The following COL4A2 variants were observed in gnomAD, a reference collection of about 807,000 sequenced individuals.
COL4A2 encodes collagen type IV alpha 2 chain, also known as collagen alpha-2(IV) chain.
COL4A2 carries 99 observed loss-of-function variants against 200.2 expected under a neutral mutation model. The observed-to-expected ratio is 0.49, with a 90% CI of 0.42 to 0.58. The LOEUF (loss-of-function observed/expected upper bound fraction) is 0.58. COL4A2 is among the 20% of genes least tolerant of loss of function. COL4A2 has a pLI of 0.00. For missense variants in COL4A2, 1,950 were observed against 2,314.1 expected, an observed-to-expected ratio of 0.84 and a Z score of 3.23; for synonymous variants, 897 against 900.6, an observed-to-expected ratio of 1.00 and a Z score of 0.07.
chr13:110,326,260 T>A (rs1885409320), intron 3 of COL4A2, among the ~76,000 whole-genome samples: 1 of 152,194 alleles, frequency 6.6e-6, no homozygotes, highest in South Asian at 2.1e-4. Context: ...GAATTTATAA[T>A]CCTCCCTCAG....
Position 110,465,471 on chromosome 13 carries a change from C to G in COL4A2, c.1843C>G (p.Pro615Ala), listed in dbSNP as rs747059028. 10 of 1,613,888 alleles carry G rather than the reference C, an allele frequency of 6.2e-6. No homozygotes were observed. The highest frequency in any genetic ancestry group is 3.4e-6 in the Non-Finnish European group (4 of 1,180,008). ...AGGAATACCTGGAACGAAGGGTACT[C>G]CAGGAGAAATGGGCCCCCCAGGACT... is the stretch of plus-strand genomic sequence containing the variant. ...YPGIPGTKGT[P>A]GEMGPPGLGL... The change falls in exon 25 of 48, where the codon CCA becomes GCA. Residue 615 changes from proline to alanine, a missense_variant. Pro to Ala is a conservative substitution (Grantham distance 27). Transcript: ENST00000360467.
At chr13:110,328,178 C>A (rs1245147271) in intron 3 of COL4A2, among the ~76,000 whole-genome samples, 1 of 152,204 alleles carries the variant, frequency 6.6e-6, no homozygotes, top group Admixed American at 6.5e-5. Flanking sequence ...GGGACACTTA[C>A]TTGTGGGCAA....
chr13:110,397,069 T>C (rs975245059), intron 4 of COL4A2, among the ~76,000 whole-genome samples: 4 of 152,198 alleles, frequency 2.6e-5, no homozygotes, highest in African/African-American at 9.7e-5. Context: ...ATAACGTTGC[T>C]CAAGGCCCGA....
chr13:110,463,643 C>T lies in COL4A2; in HGVS notation c.1776+1259C>T, dbSNP rs112309233. 9.5e-3 allele frequency among the ~76,000 whole-genome samples: 1,451 copies of T among 152,306 alleles called. 17 individuals carry two copies. Among genetic ancestry groups the T allele is most frequent in the African/African-American group, 0.032 (1,333 of 41,558 alleles). The stretch of plus-strand genomic sequence containing the variant: ...GAACTTCTGGACTCAAGCCATCCTC[C>T]TGCCTCAACCTCCCGAGTACCTGGG... On this transcript the variant is annotated intron_variant, in intron 24 of 47. Transcript: ENST00000360467.
At chr13:110,415,289 G>C (rs543084569) in intron 4 of COL4A2, among the ~76,000 whole-genome samples, 2 of 152,220 alleles carry the variant, frequency 1.3e-5, no homozygotes, top group African/African-American at 4.8e-5. Context: ...TAAATTAAAA[G>C]ATAAAATTTT....
intron 3 of COL4A2, among the ~76,000 whole-genome samples, chr13:110,345,402 T>C (rs1286846724): frequency 1.3e-5 from 2 of 152,118 alleles, no homozygotes; most frequent in Non-Finnish European, 2.9e-5. Context: ...AGAACCCCAG[T>C]CGGCGGGTCT....
At chr13:110,461,827 G>T (rs149308509) in intron 22 of COL4A2, among the ~76,000 whole-genome samples, 2 of 152,236 alleles carry the variant, frequency 1.3e-5, no homozygotes, top group East Asian at 1.9e-4. Flanking sequence ...GAATCACCGC[G>T]CCCGGCCACA....
chr13:110,376,467 A>G (rs1293269647), intron 4 of COL4A2, among the ~76,000 whole-genome samples: 3 of 152,018 alleles, frequency 2.0e-5, no homozygotes, highest in Non-Finnish European at 4.4e-5. Flanking sequence ...CATAATCATT[A>G]GCCCCCCCAC....
intron 28 of COL4A2, among the ~76,000 whole-genome samples, chr13:110,471,618 C>T (rs1488300645): frequency 2.6e-5 from 4 of 152,110 alleles, no homozygotes; most frequent in African/African-American, 4.8e-5. Flanking sequence ...TAAATCACAC[C>T]GTTAAAACTC....
In COL4A2 at chr13:110,439,010, G is replaced by A. The variant is rs115078619; in HGVS notation, c.912+342G>A. ...CAGCTCAGTTAGTCTGTAGTAACCA[G>A]AAATGTAGAATATCTCAAACACACA... On this transcript the variant is annotated intron_variant, in intron 15 of 47. Coordinates refer to ENST00000360467, the MANE Select transcript of COL4A2 (RefSeq NM_001846.4). Among the ~76,000 whole-genome samples the A allele has an allele frequency of 6.9e-3, 1,053 of 152,334 alleles. 8 individuals carry two copies. The highest frequency in any genetic ancestry group is 0.022 in the African/African-American group (900 of 41,568).
intron 3 of COL4A2, among the ~76,000 whole-genome samples, chr13:110,328,108 C>T (rs944520961): frequency 2.0e-5 from 3 of 152,122 alleles, no homozygotes; most frequent in Non-Finnish European, 4.4e-5. Flanking sequence ...AATTAATAGT[C>T]TGGAAAAGTT....
chr13:110,456,588 G>T (rs749657257), intron 20 of COL4A2: 1 of 365,510 alleles, frequency 2.7e-6, no homozygotes, highest in Non-Finnish European at 5.4e-6. Flanking sequence ...AACCCTGAAG[G>T]CTATCGCCAC....
At chr13:110,363,116 G>A (rs143908222) in intron 4 of COL4A2, among the ~76,000 whole-genome samples, 22 of 146,212 alleles carry the variant, frequency 1.5e-4, no homozygotes, top group Admixed American at 1.3e-3. Flanking sequence ...CCTGTCACAC[G>A]ACAACAGGGA....
rs534031166 is a variant in COL4A2, at chr13:110,428,583, C to T, written c.477C>T (p.Pro159=). Residue 159 remains proline (P), a splice_region_variant and synonymous_variant, in exon 7 of 48, where the codon CCC becomes CCT. Transcript: ENST00000360467. ...GCTCTGAGGGGTTCACCGGGCCTCC[C>T]GTGAGTATCCCCACAGCGCCTGTGC... ...PPGSEGFTGP[P]GPQGPKGQKG... 2.0e-5 allele frequency: 30 copies of T among 1,510,486 alleles called. No individual in the cohort carries two copies. Among genetic ancestry groups the T allele is most frequent in the Admixed American group, 9.5e-5 (4 of 42,232 alleles). 93.6% of individuals were successfully genotyped at this position (1,510,486 alleles called of 1,614,324 possible).
At chr13:110,326,896 C>T (rs1885430622) in intron 3 of COL4A2, among the ~76,000 whole-genome samples, 1 of 152,240 alleles carries the variant, frequency 6.6e-6, no homozygotes, top group Non-Finnish European at 1.5e-5. Flanking sequence ...CCCGCCCGCT[C>T]AAGAGCGTGA....
chr13:110,441,585 A>G (rs982969435), intron 16 of COL4A2, among the ~76,000 whole-genome samples: 1 of 152,256 alleles, frequency 6.6e-6, no homozygotes, highest in Admixed American at 6.5e-5. Flanking sequence ...GAGCTATCCA[A>G]ATGCACCCCA....
chr13:110,331,493 G>T (rs939160733), intron 3 of COL4A2, among the ~76,000 whole-genome samples: 21 of 152,144 alleles, frequency 1.4e-4, no homozygotes, highest in Admixed American at 1.4e-3. Flanking sequence ...CCTGACCCTC[G>T]TTACTGGGCC....
intron 4 of COL4A2, among the ~76,000 whole-genome samples, chr13:110,398,748 A>T (rs75216990): frequency 5.3e-5 from 8 of 152,266 alleles, no homozygotes; most frequent in African/African-American, 1.4e-4. Flanking sequence ...AAAGAATCAA[A>T]TAACAAAAAG....
At chr13:110,355,114 G>C (rs1309707454) in intron 3 of COL4A2, among the ~76,000 whole-genome samples, 2 of 152,270 alleles carry the variant, frequency 1.3e-5, no homozygotes, top group Non-Finnish European at 2.9e-5. Flanking sequence ...CTGTCATCTG[G>C]TAAGTTTTAC....
Sources: allele counts gnomAD v4.1 joint callset (sites outside exome capture counted in the v4.1 genomes callset), GRCh38; gene constraint gnomAD v4.1.1; transcripts MANE v1.5; gene names NCBI Gene and HGNC (gene_info 2026-07-23, HGNC 2026-07-21).